Variants in VEGFC observed in about 807,000 individuals in gnomAD.
The protein encoded by VEGFC is FLT4 ligand DHM.
Under a neutral mutation model 46.1 loss-of-function variants are expected in VEGFC, and 12 were observed. The observed-to-expected ratio is 0.26, with a 90% CI of 0.17 to 0.42. The LOEUF is 0.42. Among genes scored for constraint, VEGFC ranks in the 10% least tolerant of loss-of-function variants. The pLI, the probability that VEGFC is intolerant of heterozygous loss-of-function variation, is 1.00. For missense variants in VEGFC, 488 were observed against 529.4 expected (o/e 0.92, Z 0.77); for synonymous variants, 232 against 195.5 (o/e 1.19, Z -1.56).
chr4:176,744,469 G>A (rs879500831), intron 1 of VEGFC, among the ~76,000 whole-genome samples: 3 of 151,914 alleles, frequency 2.0e-5, no homozygotes, highest in East Asian at 1.9e-4. Flanking sequence ...GTTTATAACC[G>A]AGGGTTCAAG....
At chr4:176,775,285 G>A (rs1735796407) in intron 1 of VEGFC, among the ~76,000 whole-genome samples, 1 of 152,004 alleles carries the variant, frequency 6.6e-6, no homozygotes, top group Non-Finnish European at 1.5e-5. Context: ...GAAATATGTT[G>A]TGTTCATAAA....
intron 4 of VEGFC, among the ~76,000 whole-genome samples, chr4:176,701,800 T>G (rs944024333): frequency 2.0e-4 from 30 of 152,124 alleles, no homozygotes; most frequent in African/African-American, 6.8e-4. Flanking sequence ...CAGGGGAGAC[T>G]AAAGATGCAT....
At chr4:176,701,254 A>T (rs1734427299) in intron 4 of VEGFC, among the ~76,000 whole-genome samples, 1 of 152,256 alleles carries the variant, frequency 6.6e-6, no homozygotes. Context: ...TAAAATGGTT[A>T]AAAAATGTAT....
At chr4:176,740,640 C>T (rs1735156492) in intron 1 of VEGFC, among the ~76,000 whole-genome samples, 2 of 150,256 alleles carry the variant, frequency 1.3e-5, no homozygotes, top group East Asian at 2.0e-4. Context: ...GGAATACTCA[C>T]ATTATTTTCT....
At chr4:176,742,987 C>T (rs1030742983) in intron 1 of VEGFC, among the ~76,000 whole-genome samples, 8 of 151,964 alleles carry the variant, frequency 5.3e-5, no homozygotes, top group Admixed American at 1.3e-4. Flanking sequence ...CTGAGTTTAG[C>T]GAACTACAGA....
rs563977940 is a variant in VEGFC, at chr4:176,729,325, C to A, written c.361+208G>T. Among the ~76,000 whole-genome samples, 3 of 152,206 alleles carry A rather than the reference C, an allele frequency of 2.0e-5. No homozygotes were observed. In the East Asian group the frequency reaches 5.8e-4, roughly 29 times the overall value. Reference sequence around the variant, plus strand: ...TAAATGTGTGTTGTTTATGCATGGACCTATCTATCCTGTATTTTATGAAGT... The same window carrying A: ...TAAATGTGTGTTGTTTATGCATGGAACTATCTATCCTGTATTTTATGAAGT... On this transcript the variant is annotated intron_variant, in intron 2 of 6. Coordinates refer to ENST00000618562, the MANE Select transcript of VEGFC (RefSeq NM_005429.5).
intron 1 of VEGFC, among the ~76,000 whole-genome samples, chr4:176,752,856 G>A (rs1735363479): frequency 6.6e-6 from 1 of 152,056 alleles, no homozygotes; most frequent in Non-Finnish European, 1.5e-5. Context: ...TTGTGGCCCA[G>A]TTGCTATTTG....
intron 4 of VEGFC, among the ~76,000 whole-genome samples, chr4:176,697,145 A>C (rs1324812186): frequency 1.3e-5 from 2 of 152,002 alleles, no homozygotes; most frequent in Admixed American, 6.6e-5. Context: ...GGATCTAATT[A>C]AACTAAAGAG....
At chr4:176,686,405 G>C (rs1734042359) in intron 6 of VEGFC, among the ~76,000 whole-genome samples, 1 of 152,176 alleles carries the variant, frequency 6.6e-6, no homozygotes, top group African/African-American at 2.4e-5. Context: ...CAACTTCACA[G>C]TAAGAGGCTA....
At chr4:176,716,670 A>C (rs1469849747) in intron 3 of VEGFC, among the ~76,000 whole-genome samples, 1 of 151,742 alleles carries the variant, frequency 6.6e-6, no homozygotes, top group Non-Finnish European at 1.5e-5. Flanking sequence ...ACACAGAGAG[A>C]GATACTATGG....
intron 1 of VEGFC, among the ~76,000 whole-genome samples, chr4:176,742,945 T>C (rs1313193370): frequency 1.3e-5 from 2 of 152,050 alleles, no homozygotes; most frequent in African/African-American, 2.4e-5. Context: ...GTAGTCATTC[T>C]GATATTACGG....
At chr4:176,718,989 A>T (rs1734738604) in intron 3 of VEGFC, among the ~76,000 whole-genome samples, 1 of 152,198 alleles carries the variant, frequency 6.6e-6, no homozygotes, top group African/African-American at 2.4e-5. Context: ...TTGAAAAGAC[A>T]TCCAATCTAC....
chr4:176,748,032 C>T (rs963048443), intron 1 of VEGFC, among the ~76,000 whole-genome samples: 1 of 151,780 alleles, frequency 6.6e-6, no homozygotes, highest in African/African-American at 2.4e-5. Flanking sequence ...TTAGCAAGGG[C>T]TTTTAAAATA....
chr4:176,687,869 T>G lies in VEGFC; in HGVS notation c.763A>C (p.Arg255=), dbSNP rs1189540084. ...ATAAAATCTTCCTGAGCCAGGCATCTGCAGATGTGATTATTCCACATGTAA... is the reference window on the plus strand; with the variant it reads ...ATAAAATCTTCCTGAGCCAGGCATCGGCAGATGTGATTATTCCACATGTAA... ...TNYMWNNHIC[R]CLAQEDFMFS... Residue 255 remains arginine (R), a synonymous_variant, in exon 5 of 7, where the codon AGA becomes CGA. Transcript: ENST00000618562. The G allele has an allele frequency of 1.2e-6, 2 of 1,613,794 alleles. No homozygotes were observed. Among genetic ancestry groups the G allele is most frequent in the Admixed American group, 3.3e-5 (2 of 59,960 alleles).
chr4:176,789,943 T>C (rs1200853930), intron 1 of VEGFC, among the ~76,000 whole-genome samples: 1 of 152,240 alleles, frequency 6.6e-6, no homozygotes, highest in African/African-American at 2.4e-5. Context: ...TATAGATATT[T>C]AGCATCTTCT....
At chr4:176,731,546 C>T (rs1204354234) in intron 1 of VEGFC, among the ~76,000 whole-genome samples, 1 of 151,720 alleles carries the variant, frequency 6.6e-6, no homozygotes, top group Non-Finnish European at 1.5e-5. Context: ...TGTGACAGAT[C>T]AGTTTTTGTT....
chr4:176,736,257 G>A (rs1359291663), intron 1 of VEGFC, among the ~76,000 whole-genome samples: 5 of 151,768 alleles, frequency 3.3e-5, no homozygotes, highest in African/African-American at 1.2e-4. Flanking sequence ...CTAATAAAAT[G>A]CCCATATTTT....
intron 1 of VEGFC, among the ~76,000 whole-genome samples, chr4:176,757,698 G>A (rs562527873): frequency 6.6e-6 from 1 of 151,452 alleles, no homozygotes; most frequent in African/African-American, 2.4e-5. Context: ...TGAACATACC[G>A]TCTGCTAGTT....
At chr4:176,720,585 T>A (rs771481857) in intron 3 of VEGFC, among the ~76,000 whole-genome samples, 1 of 152,088 alleles carries the variant, frequency 6.6e-6, no homozygotes, top group Non-Finnish European at 1.5e-5. Flanking sequence ...ACACCTGTAA[T>A]CCCAGCACTT....
Sources: allele counts gnomAD v4.1 joint callset (sites outside exome capture counted in the v4.1 genomes callset), GRCh38; gene constraint gnomAD v4.1.1; transcripts MANE v1.5; gene names NCBI Gene and HGNC (gene_info 2026-07-23, HGNC 2026-07-21).